The following DDX52 variants were observed in gnomAD, a reference collection of about 807,000 sequenced individuals.
DDX52 encodes the protein DExD-box helicase 52.
A neutral mutation model predicts 76.1 loss-of-function variants in DDX52; 59 were observed. The ratio of observed to expected loss-of-function variants is 0.78; its 90% CI spans 0.63 to 0.96. DDX52 has a LOEUF of 0.96. Ranked by LOEUF, DDX52 falls within the 40% of genes least tolerant of loss-of-function variation. The pLI is 0.00. For synonymous variants in DDX52, 231 were observed against 244.1 expected (o/e 0.95, Z 0.50); for missense variants, 707 against 703.9 (o/e 1.00, Z -0.05).
At chr17:37,631,353 G>GA in intron 4 of DDX52, 1 of 152,218 alleles carries the variant, frequency 6.6e-6, no homozygotes, top group African/African-American at 2.4e-5. Flanking sequence ...TACGCAAAGT[G>GA]AAAGAAACCA....
chr17:37,624,988 T>G (rs2030291566), intron 8 of DDX52, among the ~76,000 whole-genome samples: 1 of 152,126 alleles, frequency 6.6e-6, no homozygotes, highest in African/African-American at 2.4e-5. Flanking sequence ...ATGTTTATGG[T>G]GAATTCATTC....
chr17:37,611,060 A>G lies in DDX52; in HGVS notation c.*3236T>C, dbSNP rs2064343548. The G allele has an allele frequency of 6.6e-6, 1 of 152,160 alleles. No individual in the cohort carries two copies. Among genetic ancestry groups the G allele is most frequent in the Non-Finnish European group, 1.5e-5 (1 of 68,030 alleles). The allele number at this position is 152,160 out of a possible 1,614,324, so 9.4% of individuals were successfully genotyped here. A position where few individuals can be genotyped will look rare whatever the true frequency, so the allele number is the denominator to read the frequency against. On this transcript the variant is annotated 3_prime_UTR_variant, in exon 15 of 15. Coordinates refer to ENST00000617633, the MANE Select transcript of DDX52 (RefSeq NM_007010.5). ...TCCTTTTTGTTCCTCTTCTTTGCCT[A>G]TTGGTTTTTACATTTGCAGGATTCA...
intron 2 of DDX52, among the ~76,000 whole-genome samples, chr17:37,640,854 G>A (rs867658879): frequency 1.6e-4 from 24 of 152,026 alleles, no homozygotes; most frequent in South Asian, 1.0e-3. Context: ...AGGCGTGGTG[G>A]GGCACACCTG....
intron 2 of DDX52, chr17:37,639,603 T>A: frequency 4.6e-6 from 1 of 216,458 alleles, no homozygotes; most frequent in Non-Finnish European, 7.9e-6. Flanking sequence ...TAGCTGGGCG[T>A]GGTGTCGGGC....
At chr17:37,615,027 C>G (rs545087073) in intron 14 of DDX52, 2 of 152,180 alleles carry the variant, frequency 1.3e-5, no homozygotes, top group Non-Finnish European at 2.9e-5. Flanking sequence ...AGTTCCTCCC[C>G]GACTCACTGC....
intron 1 of DDX52, 33 bp downstream of exon 1, chr17:37,643,301 G>A (rs749416506): frequency 6.3e-7 from 1 of 1,596,556 alleles, no homozygotes; most frequent in Non-Finnish European, 8.6e-7. Context: ...CTCCTTCTCA[G>A]TTACTCGGCC....
chr17:37,638,551 G>A (rs923918682), intron 2 of DDX52, among the ~76,000 whole-genome samples: 17 of 151,986 alleles, frequency 1.1e-4, no homozygotes, highest in Admixed American at 7.9e-4. Flanking sequence ...GAGAAAACAC[G>A]GATTATCAAC....
rs754835178 is a variant in DDX52, at chr17:37,618,291, CT to C, written c.1742del (p.Gln581ArgfsTer13). On this transcript the variant is annotated frameshift_variant and splice_region_variant, in exon 14 of 15. Coordinates refer to ENST00000617633, the MANE Select transcript of DDX52 (RefSeq NM_007010.5). LOFTEE classifies it high-confidence loss of function. ...KCFLEKAKDK[Q>X]KKVTGQNSKK... is the part of the protein sequence containing the mutation. ...AGCCATTTTTCTTACCACATACTTA[CT>C]GTTTATCCTTAGCTTTTTCTAAGAA... The C allele has an allele frequency of 1.3e-6, 2 of 1,594,916 alleles. No homozygotes were observed. Among genetic ancestry groups the C allele is most frequent in the South Asian group, 1.2e-5 (1 of 86,174 alleles).
rs1295778294 is a variant in DDX52, at chr17:37,620,965, C to T, written c.1502-17G>A. The T allele has an allele frequency of 2.5e-6, 4 of 1,574,340 alleles. No homozygotes were observed. The highest frequency in any genetic ancestry group is 8.6e-7 in the Non-Finnish European group (1 of 1,168,612). On this transcript the variant is annotated splice_polypyrimidine_tract_variant and intron_variant, in intron 11 of 14. Coordinates refer to ENST00000617633, the MANE Select transcript of DDX52 (RefSeq NM_007010.5). ...CAGTTCGACCTAAGAAAAATTAGAC[C>T]ATTAAAAAACACATTTTGGGGGGAA...
intron 12 of DDX52, 29 bp from the exon 13 acceptor site, chr17:37,619,868 T>G (rs754104938): frequency 6.2e-7 from 1 of 1,605,314 alleles, no homozygotes; most frequent in South Asian, 1.1e-5. Flanking sequence ...AACATAAACT[T>G]GTATCTTTGC....
intron 2 of DDX52, among the ~76,000 whole-genome samples, chr17:37,641,115 G>A (rs1238827573): frequency 6.6e-6 from 1 of 152,182 alleles, no homozygotes; most frequent in African/African-American, 2.4e-5. Flanking sequence ...GACCAGCCAG[G>A]TGTGGTGGCT....
chr17:37,620,798 T>A (rs927179497), intron 12 of DDX52, 75 bp downstream of exon 12: 5 of 1,356,226 alleles, frequency 3.7e-6, no homozygotes, highest in Non-Finnish European at 4.9e-6. Context: ...TTTGTAATTA[T>A]CTCTTAATTG....
intron 2 of DDX52, among the ~76,000 whole-genome samples, chr17:37,637,303 G>C (rs138967098): frequency 6.6e-6 from 1 of 151,798 alleles, no homozygotes; most frequent in African/African-American, 2.4e-5. Context: ...GGCTAATTTT[G>C]TATTTTTAGT....
At chr17:37,625,551 G>A (rs775086815) in intron 8 of DDX52, among the ~76,000 whole-genome samples, 27 of 151,968 alleles carry the variant, frequency 1.8e-4, no homozygotes, top group Non-Finnish European at 2.9e-4. Flanking sequence ...TATATCAAGT[G>A]GCTCAGTGAC....
chr17:37,628,426 C>T lies in DDX52; in HGVS notation c.859+135G>A, dbSNP rs573553142. ...CTTCTCAGTAGAGTGAGAAGGGGAT[C>T]GCTTTAGTTCTTCTAAAATTCAAAT... is the stretch of plus-strand genomic sequence containing the variant. On this transcript the variant is annotated intron_variant, in intron 6 of 14. Transcript: ENST00000617633. 6.5e-4 allele frequency: 428 copies of T among 662,048 alleles called. 2 individuals carry two copies. The South Asian group carries it at 7.8e-3, about 12-fold the overall frequency. 41.0% of individuals were successfully genotyped at this position (662,048 alleles called of 1,614,324 possible).
intron 12 of DDX52, 132 bp from the exon 13 acceptor site, chr17:37,619,971 CAATT>C (rs368674507): frequency 2.3e-5 from 18 of 795,772 alleles, no homozygotes; most frequent in African/African-American, 1.9e-4. Flanking sequence ...GATATATTAT[CAATT>C]ATTACCTGAT....
intron 3 of DDX52, among the ~76,000 whole-genome samples, chr17:37,632,858 T>C (rs1429271287): frequency 6.6e-6 from 1 of 152,212 alleles, no homozygotes; most frequent in Non-Finnish European, 1.5e-5. Context: ...GTTTCTTCCA[T>C]ATCCTACTCC....
intron 4 of DDX52, chr17:37,631,853 C>A: frequency 2.0e-6 from 1 of 495,812 alleles, no homozygotes; most frequent in Non-Finnish European, 3.5e-6. Flanking sequence ...ATAAATGTTG[C>A]AAGGAAAAGA....
At chr17:37,625,786 T>C in intron 8 of DDX52, 109 bp downstream of exon 8, 1 of 1,185,828 alleles carries the variant, frequency 8.4e-7, no homozygotes, top group East Asian at 2.5e-5. Flanking sequence ...TCAGTAAAAC[T>C]CTCTCCCTTG....
Sources: allele counts gnomAD v4.1 joint callset (sites outside exome capture counted in the v4.1 genomes callset), GRCh38; gene constraint gnomAD v4.1.1; transcripts MANE v1.5; gene names NCBI Gene and HGNC (gene_info 2026-07-23, HGNC 2026-07-21).